HMGB1: variants seen among roughly 807,000 people sequenced by gnomAD.
HMGB1 encodes the protein high mobility group box 1.
For missense variants in HMGB1, 79 were observed against 253.5 expected, an observed-to-expected ratio of 0.31 and a Z score of 4.67; for synonymous variants, 81 against 84.0, an observed-to-expected ratio of 0.96 and a Z score of 0.19.
chr13:30,610,245 C>A (rs1280441447), intron 1 of HMGB1, among the ~76,000 whole-genome samples: 2 of 152,138 alleles, frequency 1.3e-5, no homozygotes, highest in Non-Finnish European at 2.9e-5. Context: ...CAGTCAAAAG[C>A]ATGGGGAAGG....
In HMGB1 at chr13:30,458,526, TCAC is replaced by T. The variant is rs1455856748; in HGVS notation, c.*2828_*2830del. The T allele has an allele frequency of 1.3e-5, 2 of 152,378 alleles. No homozygotes were observed. Among genetic ancestry groups the T allele is most frequent in the East Asian group, 1.9e-4 (1 of 5,190 alleles). 9.4% of individuals were successfully genotyped at this position (152,378 alleles called of 1,614,324 possible). A position where few individuals can be genotyped will look rare whatever the true frequency, so the allele number is the denominator to read the frequency against. ...TTGTATTTTTAGTAGAGGCGGGGTT[TCAC>T]CACGTTAGCCAGGATGGTCTCAATC... On this transcript the variant is annotated 3_prime_UTR_variant, in exon 5 of 5. Coordinates refer to ENST00000341423, the MANE Select transcript of HMGB1 (RefSeq NM_002128.7).
At chr13:30,616,463 T>C (rs1950563863) in intron 1 of HMGB1, among the ~76,000 whole-genome samples, 1 of 152,212 alleles carries the variant, frequency 6.6e-6, no homozygotes, top group Non-Finnish European at 1.5e-5. Context: ...GTTTGTTTTT[T>C]ACAAATAGTG....
At chr13:30,499,612 T>C (rs1481421631) in intron 1 of HMGB1, among the ~76,000 whole-genome samples, 1 of 152,200 alleles carries the variant, frequency 6.6e-6, no homozygotes, top group East Asian at 1.9e-4. Context: ...AATACCCTTT[T>C]CTTGTTCTCG....
At chr13:30,615,122 GTGCATACCTCTATCAT>G (rs1279340797) in intron 1 of HMGB1, among the ~76,000 whole-genome samples, 4 of 152,222 alleles carry the variant, frequency 2.6e-5, no homozygotes, top group African/African-American at 7.2e-5. Context: ...AAAATATGCT[GTGCATACCTCTATCAT>G]TGCATGTATA....
intron 1 of HMGB1, among the ~76,000 whole-genome samples, chr13:30,556,385 C>T (rs1869689692): frequency 1.3e-5 from 2 of 152,148 alleles, no homozygotes; most frequent in African/African-American, 4.8e-5. Context: ...GCCTGGGCAA[C>T]AAGAGAGAAA....
intron 4 of HMGB1, chr13:30,461,784 G>A (rs1332580153): frequency 5.0e-6 from 4 of 807,076 alleles, no homozygotes; most frequent in African/African-American, 3.5e-5. Context: ...GCCTCATTGA[G>A]GTGCAATTAT....
intron 1 of HMGB1, among the ~76,000 whole-genome samples, chr13:30,504,531 A>G (rs926193238): frequency 9.9e-5 from 15 of 152,210 alleles, no homozygotes; most frequent in Admixed American, 4.6e-4. Context: ...AGACAAAAAA[A>G]ATTATTTATC....
At chr13:30,605,579 G>A (rs541205505) in intron 1 of HMGB1, among the ~76,000 whole-genome samples, 4 of 152,312 alleles carry the variant, frequency 2.6e-5, no homozygotes, top group South Asian at 4.1e-4. Flanking sequence ...CAATGCCGAC[G>A]TGGAAATGAG....
chr13:30,546,140 G>A (rs9508791), intron 1 of HMGB1, among the ~76,000 whole-genome samples: 74,088 of 151,908 alleles, frequency 0.49, 19,756 homozygotes, highest in Middle Eastern at 0.73. Context: ...GTTTTGAGAC[G>A]GAGTCTTGCT....
intron 1 of HMGB1, among the ~76,000 whole-genome samples, chr13:30,577,020 C>T (rs1870686796): frequency 1.3e-5 from 2 of 152,034 alleles, no homozygotes; most frequent in South Asian, 4.2e-4. Flanking sequence ...AAGGTGGAGC[C>T]CTGATCTGAT....
intron 1 of HMGB1, among the ~76,000 whole-genome samples, chr13:30,548,938 C>T (rs1055063608): frequency 2.0e-4 from 31 of 152,256 alleles, no homozygotes; most frequent in African/African-American, 5.8e-4. Flanking sequence ...AATAAAGGGA[C>T]GGTGTGAGTT....
chr13:30,463,136 T>G (rs1408492777), intron 3 of HMGB1, 71 bp downstream of exon 3: 1 of 1,426,240 alleles, frequency 7.0e-7, no homozygotes, highest in Non-Finnish European at 9.7e-7. Context: ...ACTGACAAAG[T>G]AGCTTGCTAA....
At chr13:30,480,210 A>AT (rs1231072933) in intron 1 of HMGB1, among the ~76,000 whole-genome samples, 1 of 152,222 alleles carries the variant, frequency 6.6e-6, no homozygotes, top group African/African-American at 2.4e-5. Flanking sequence ...TTCAAAATGT[A>AT]TTGCCTTGTG....
At chr13:30,461,794 T>A in intron 4 of HMGB1, 1 of 699,278 alleles carries the variant, frequency 1.4e-6, no homozygotes, top group Non-Finnish European at 2.3e-6. Flanking sequence ...GGTGCAATTA[T>A]GTACCACATC....
chr13:30,537,652 CATATATATATATATATATAT>C (rs58424009), intron 1 of HMGB1, among the ~76,000 whole-genome samples: 11,791 of 68,254 alleles, frequency 0.17, 797 homozygotes, highest in Middle Eastern at 0.39. Flanking sequence ...CATTCTTGTT[CATATATATATATATATATAT>C]ATATATATAT....
intron 1 of HMGB1, among the ~76,000 whole-genome samples, chr13:30,522,110 T>TTG (rs1555236933): frequency 5.5e-3 from 9 of 1,628 alleles, no homozygotes; most frequent in Non-Finnish European, 1.3e-3. Flanking sequence ...ATTATGATAC[T>TTG]TTTTTTTTTT....
rs974718479 is a variant in HMGB1 at position 30,531,509 on chromosome 13, C to CGCGT, written c.-14-67816_-14-67815insACGC. The stretch of plus-strand genomic sequence containing the variant: ...GAACTGCTATGCTAGGTAACATATA[C>CGCGT]GTGTGTGTGTGTGTGTGTGTGTGTG... On this transcript the variant is annotated intron_variant, in intron 1 of 4. Coordinates refer to the HMGB1 transcript ENST00000405805. 5.2e-5 allele frequency among the ~76,000 whole-genome samples: 7 copies of CGCGT among 135,590 alleles called. No individual in the cohort carries two copies. In the Admixed American group the frequency reaches 5.3e-4, roughly 10 times the overall value. The allele number at this position is 135,590 out of a possible 152,430, so 89.0% of individuals were successfully genotyped here.
intron 1 of HMGB1, among the ~76,000 whole-genome samples, chr13:30,607,543 T>C (rs1179502546): frequency 2.0e-5 from 3 of 152,210 alleles, no homozygotes; most frequent in African/African-American, 7.2e-5. Flanking sequence ...GTGAGTCAAT[T>C]AAACCTCTTT....
intron 1 of HMGB1, chr13:30,464,249 G>A: frequency 4.1e-6 from 4 of 985,544 alleles, no homozygotes; most frequent in Non-Finnish European, 4.8e-6. Context: ...CTCGGAACCC[G>A]GTTGGGGGGT....
Sources: allele counts gnomAD v4.1 joint callset (sites outside exome capture counted in the v4.1 genomes callset), GRCh38; gene constraint gnomAD v4.1.1; transcripts MANE v1.5; gene names NCBI Gene and HGNC (gene_info 2026-07-23, HGNC 2026-07-21).